The following ANKS1B variants were observed in gnomAD, a reference collection of about 807,000 sequenced individuals.
The protein encoded by ANKS1B is ankyrin repeat and sterile alpha motif domain-containing protein 1B.
Under a neutral mutation model 148.3 loss-of-function variants are expected in ANKS1B, and 36 were observed. That is an observed-to-expected ratio of 0.24 (90% CI 0.19 to 0.32). ANKS1B has a LOEUF of 0.32. ANKS1B is among the 10% of genes least tolerant of loss of function. The pLI is 1.00. For missense variants in ANKS1B, 1,157 were observed against 1,542.6 expected (o/e 0.75, Z 4.19); for synonymous variants, 542 against 560.8 (o/e 0.97, Z 0.47).
At chr12:99,731,485 G>C (rs984221803) in intron 8 of ANKS1B, among the ~76,000 whole-genome samples, 2 of 150,376 alleles carry the variant, frequency 1.3e-5, no homozygotes, top group African/African-American at 4.9e-5. Flanking sequence ...CAGTTTTTCT[G>C]GAGAAAGAGT....
chr12:99,816,838 T>C (rs908484921), intron 2 of ANKS1B, among the ~76,000 whole-genome samples: 2 of 151,724 alleles, frequency 1.3e-5, no homozygotes, highest in South Asian at 2.1e-4. Context: ...TTAAATTTCA[T>C]ATATAATATC....
At chr12:99,895,562 G>A (rs1237326062) in intron 1 of ANKS1B, among the ~76,000 whole-genome samples, 1 of 150,652 alleles carries the variant, frequency 6.6e-6, no homozygotes, top group Non-Finnish European at 1.5e-5. Flanking sequence ...CAGAAAGACA[G>A]AACAGAAAAA....
At position 98,890,910 on chromosome 12, in the gene ANKS1B, C is replaced by A. The variant is rs75462895; in HGVS notation, c.2779-58774G>T. On this transcript the variant is annotated intron_variant, in intron 17 of 26. Coordinates refer to ENST00000683438, the MANE Select transcript of ANKS1B (RefSeq NM_001352186.2). ...ACCTAATGAGTCCAACGCAGTCTTC[C>A]CATGTGTCTCAGAGGCTGCTGTCTG... 5.4e-3 allele frequency among the ~76,000 whole-genome samples: 826 copies of A among 152,270 alleles called. 11 individuals are homozygous for A. Among genetic ancestry groups the A allele is most frequent in the African/African-American group, 0.019 (777 of 41,552 alleles).
chr12:99,598,534 C>T (rs919883780), intron 9 of ANKS1B, among the ~76,000 whole-genome samples: 1 of 152,044 alleles, frequency 6.6e-6, no homozygotes, highest in African/African-American at 2.4e-5. Flanking sequence ...TCAAGTGGCC[C>T]ATATTCATAA....
At chr12:98,882,070 T>C (rs2099709390) in intron 17 of ANKS1B, among the ~76,000 whole-genome samples, 1 of 152,158 alleles carries the variant, frequency 6.6e-6, no homozygotes, top group Admixed American at 6.5e-5. Flanking sequence ...TCTTTAATAA[T>C]AACTTCTGTT....
At chr12:98,841,007 C>T (rs2099402874) in intron 17 of ANKS1B, among the ~76,000 whole-genome samples, 1 of 152,180 alleles carries the variant, frequency 6.6e-6, no homozygotes, top group South Asian at 2.1e-4. Context: ...AAGTGCAAAT[C>T]TCCCTGCAGT....
intron 12 of ANKS1B, among the ~76,000 whole-genome samples, chr12:99,369,696 A>G (rs2092976442): frequency 1.3e-5 from 2 of 152,142 alleles, no homozygotes; most frequent in Non-Finnish European, 2.9e-5. Flanking sequence ...CAAATTTTTC[A>G]GCAAGCAAGA....
chr12:99,220,600 C>A (rs2084957636), intron 14 of ANKS1B, among the ~76,000 whole-genome samples: 1 of 151,748 alleles, frequency 6.6e-6, no homozygotes, highest in East Asian at 2.0e-4. Context: ...GCACCCACCA[C>A]CACCCCCGGC....
chr12:98,779,965 C>T (rs11109600), intron 24 of ANKS1B, among the ~76,000 whole-genome samples: 68,461 of 151,976 alleles, frequency 0.45, 16,154 homozygotes, highest in African/African-American at 0.6. Flanking sequence ...TTTTCCCAAG[C>T]AGATTTGGGG....
rs763562177 is a variant in ANKS1B, at chr12:99,896,177, C to T, written c.135-70788G>A. 5.3e-5 allele frequency among the ~76,000 whole-genome samples: 8 copies of T among 151,078 alleles called. 1 individual carries two copies. The highest frequency in any genetic ancestry group is 8.9e-5 in the Non-Finnish European group (6 of 67,520). On this transcript the variant is annotated intron_variant, in intron 1 of 26. Coordinates refer to ENST00000683438, the MANE Select transcript of ANKS1B (RefSeq NM_001352186.2). ...AGTCCTCATGCTATACAGTAAATCTCTGTGCTTACGTGTCCTACATAACTG... is the reference window on the plus strand; with the variant it reads ...AGTCCTCATGCTATACAGTAAATCTTTGTGCTTACGTGTCCTACATAACTG...
chr12:99,861,960 G>A (rs1469463506), intron 1 of ANKS1B, among the ~76,000 whole-genome samples: 1 of 150,476 alleles, frequency 6.6e-6, no homozygotes, highest in Non-Finnish European at 1.5e-5. Flanking sequence ...TAGCCAAAAA[G>A]GAAGCGGGTG....
chr12:99,835,155 T>A (rs1363244157), intron 1 of ANKS1B, among the ~76,000 whole-genome samples: 2 of 148,082 alleles, frequency 1.4e-5, no homozygotes, highest in African/African-American at 5.0e-5. Context: ...CTCACACCTG[T>A]AATCGCAGCA....
chr12:99,767,800 G>T (rs559036280), intron 8 of ANKS1B, among the ~76,000 whole-genome samples: 1 of 152,040 alleles, frequency 6.6e-6, no homozygotes, highest in Non-Finnish European at 1.5e-5. Context: ...ATTTTAACTT[G>T]AGCTAGCCTT....
chr12:99,963,591 G>A (rs1300825556), intron 1 of ANKS1B, among the ~76,000 whole-genome samples: 1 of 152,054 alleles, frequency 6.6e-6, no homozygotes, highest in Non-Finnish European at 1.5e-5. Flanking sequence ...CCATTTCTTT[G>A]CAATTAATGA....
chr12:99,125,624 G>C (rs530149098), intron 15 of ANKS1B, among the ~76,000 whole-genome samples: 15 of 152,276 alleles, frequency 9.9e-5, no homozygotes, highest in African/African-American at 3.6e-4. Flanking sequence ...CGAGGTGATA[G>C]ATTTGAGAAC....
intron 17 of ANKS1B, among the ~76,000 whole-genome samples, chr12:98,890,875 C>T (rs907493908): frequency 6.6e-6 from 1 of 152,170 alleles, no homozygotes; most frequent in Non-Finnish European, 1.5e-5. Context: ...GGCCAAGCAG[C>T]CTTGGAGGCA....
intron 8 of ANKS1B, among the ~76,000 whole-genome samples, chr12:99,710,323 T>C (rs750317260): frequency 1.4e-4 from 22 of 152,162 alleles, no homozygotes; most frequent in Admixed American, 2.6e-4. Context: ...CATCAAGATA[T>C]ACATAATTCT....
intron 8 of ANKS1B, among the ~76,000 whole-genome samples, chr12:99,724,113 A>G (rs2058381808): frequency 2.0e-5 from 3 of 152,172 alleles, no homozygotes; most frequent in African/African-American, 7.2e-5. Context: ...AAATGATTGC[A>G]ATGCCGCTCC....
intron 17 of ANKS1B, among the ~76,000 whole-genome samples, chr12:98,868,666 A>C (rs1426431199): frequency 6.6e-6 from 1 of 152,226 alleles, no homozygotes; most frequent in Non-Finnish European, 1.5e-5. Context: ...AGTTGAAATC[A>C]CCAAAAGTCA....
Sources: gnomAD v4.1 joint callset for allele counts (sites outside exome capture counted in the v4.1 genomes callset) on GRCh38, gnomAD v4.1.1 for gene constraint, MANE v1.5 for transcripts, NCBI Gene and HGNC (gene_info 2026-07-23, HGNC 2026-07-21) for gene names.